Variants in DIP2C observed in about 807,000 individuals in gnomAD.
DIP2C encodes DIP2 acetate--CoA ligase C (putative), also known as disco-interacting protein 2 homolog C.
In DIP2C, 33 loss-of-function variants were observed where a neutral mutation model predicts 192.4. That is an observed-to-expected ratio of 0.17 (90% CI 0.13 to 0.23). The LOEUF (loss-of-function observed/expected upper bound fraction) is 0.23, where lower values mean the gene tolerates loss of function less well. DIP2C is among the 10% of genes least tolerant of loss of function. The pLI is 1.00. For missense variants in DIP2C, 1,537 were observed against 2,110.1 expected (o/e 0.73, Z 5.32); for synonymous variants, 979 against 864.1 (o/e 1.13, Z -2.33).
At chr10:422,755 A>T in intron 5 of DIP2C, 69 bp downstream of exon 5, 1 of 1,525,454 alleles carries the variant, frequency 6.6e-7, no homozygotes, top group South Asian at 1.2e-5. Flanking sequence ...CAACGATGCA[A>T]ACAGAGAATG....
At position 388,937 on chromosome 10, in the gene DIP2C, G is replaced by T. The variant is rs188614054; in HGVS notation, c.1597+1054C>A. Reference sequence around the variant, plus strand: ...CAAGGGGCCTTGGGGCATCCTAAGGGATCTCAGGGACATGGGGGGGTTCTC... The same window carrying T: ...CAAGGGGCCTTGGGGCATCCTAAGGTATCTCAGGGACATGGGGGGGTTCTC... On this transcript the variant is annotated intron_variant, in intron 13 of 36. Transcript: ENST00000280886. Among the ~76,000 whole-genome samples, 202 of 124,958 alleles carry T rather than the reference G, an allele frequency of 1.6e-3. 1 individual carries two copies. The highest frequency in any genetic ancestry group is 5.5e-3 in the African/African-American group (187 of 33,880). The allele number at this position is 124,958 out of a possible 152,430, so 82.0% of individuals were successfully genotyped here. A position where few individuals can be genotyped will look rare whatever the true frequency, so the allele number is the denominator to read the frequency against.
At chr10:286,666 C>CA (rs1955153420) in intron 33 of DIP2C, among the ~76,000 whole-genome samples, 2 of 152,068 alleles carry the variant, frequency 1.3e-5, no homozygotes, top group South Asian at 4.2e-4. Context: ...AATGTTTGAA[C>CA]AAAAACATGG....
At chr10:467,370 G>A (rs568371576) in intron 3 of DIP2C, among the ~76,000 whole-genome samples, 2 of 140,524 alleles carry the variant, frequency 1.4e-5, no homozygotes, top group Admixed American at 7.1e-5. Context: ...ATCACACTCT[G>A]GGGACTGTGG....
chr10:579,063 A>G (rs12256254), intron 1 of DIP2C, among the ~76,000 whole-genome samples: 7,567 of 152,210 alleles, frequency 0.05, 243 homozygotes, highest in East Asian at 0.082. Context: ...AGTGCACAAC[A>G]TGTGTATGTG....
chr10:601,532 A>C (rs1588567371), intron 1 of DIP2C, among the ~76,000 whole-genome samples: 1 of 152,174 alleles, frequency 6.6e-6, no homozygotes, highest in Non-Finnish European at 1.5e-5. Flanking sequence ...GCATTCCCAG[A>C]CTCCAGGGCA....
chr10:506,354 T>C (rs1015749883), intron 1 of DIP2C, among the ~76,000 whole-genome samples: 1 of 151,838 alleles, frequency 6.6e-6, no homozygotes, highest in African/African-American at 2.4e-5. Context: ...ATGTCAGGGG[T>C]TGGGACAGCA....
At chr10:656,834 G>A (rs1275872170) in intron 1 of DIP2C, among the ~76,000 whole-genome samples, 1 of 152,206 alleles carries the variant, frequency 6.6e-6, no homozygotes, top group Admixed American at 6.5e-5. Context: ...GCACAGCTGA[G>A]GGTCGATCCC....
At chr10:611,130 A>G (rs1853072612) in intron 1 of DIP2C, among the ~76,000 whole-genome samples, 1 of 152,128 alleles carries the variant, frequency 6.6e-6, no homozygotes, top group Non-Finnish European at 1.5e-5. Flanking sequence ...GTTTAGCACA[A>G]TCCCAAGTGC....
At position 287,279 on chromosome 10, in the gene DIP2C, A is replaced by G. The variant is rs140227978; in HGVS notation, c.4045-932T>C. On this transcript the variant is annotated intron_variant, in intron 33 of 36. Transcript: ENST00000280886. ...TTCCTTCTTAAAGTTTACCTTAGAA[A>G]TATCTCACATTCCACTGATACCACT... Among the ~76,000 whole-genome samples the G allele has an allele frequency of 3.8e-3, 580 of 152,288 alleles. 5 individuals are homozygous for G. Among genetic ancestry groups the G allele is most frequent in the African/African-American group, 0.012 (513 of 41,556 alleles).
intron 9 of DIP2C, among the ~76,000 whole-genome samples, chr10:400,017 C>A (rs985926659): frequency 2.6e-5 from 4 of 152,080 alleles, no homozygotes; most frequent in Non-Finnish European, 5.9e-5. Context: ...TGTAAATTAC[C>A]AAGTAATATT....
chr10:547,749 ATC>A (rs1448774898), intron 1 of DIP2C, among the ~76,000 whole-genome samples: 5 of 152,068 alleles, frequency 3.3e-5, no homozygotes, highest in African/African-American at 1.2e-4. Flanking sequence ...TCCTCAAATC[ATC>A]TCTCAGTTTA....
intron 1 of DIP2C, among the ~76,000 whole-genome samples, chr10:584,276 A>G (rs1850850667): frequency 6.6e-6 from 1 of 152,240 alleles, no homozygotes; most frequent in Non-Finnish European, 1.5e-5. Flanking sequence ...AACAACCACC[A>G]GCCATCATGT....
intron 1 of DIP2C, chr10:662,195 AAG>A: frequency 2.9e-6 from 2 of 701,540 alleles, no homozygotes. Context: ...TCTATACACA[AAG>A]AGTACAGGCC....
intron 1 of DIP2C, among the ~76,000 whole-genome samples, chr10:541,651 C>G (rs1036606928): frequency 2.0e-5 from 3 of 150,850 alleles, no homozygotes; most frequent in African/African-American, 7.3e-5. Context: ...GACCCTCCAC[C>G]CGACCACACC....
intron 17 of DIP2C, among the ~76,000 whole-genome samples, chr10:379,188 C>G (rs1241917472): frequency 7.9e-5 from 1 of 12,666 alleles, no homozygotes; most frequent in South Asian, 4.3e-3. Flanking sequence ...AGTGCCACGC[C>G]CCCCCCCCCC....
At chr10:437,397 G>T (rs1967352273) in intron 4 of DIP2C, among the ~76,000 whole-genome samples, 1 of 150,218 alleles carries the variant, frequency 6.7e-6, no homozygotes, top group African/African-American at 2.5e-5. Flanking sequence ...ATGTGGTAGG[G>T]TGATATGCTC....
At chr10:594,314 A>G (rs187507461) in intron 1 of DIP2C, among the ~76,000 whole-genome samples, 4 of 152,282 alleles carry the variant, frequency 2.6e-5, no homozygotes, top group South Asian at 4.1e-4. Context: ...ACCCCACATG[A>G]AACTCCCCAC....
chr10:382,809 G>A (rs774598312), intron 16 of DIP2C, 48 bp from the exon 17 acceptor site: 36 of 1,357,848 alleles, frequency 2.7e-5, no homozygotes, highest in Non-Finnish European at 3.5e-5. Context: ...CACTGTGATT[G>A]ATTACAAAAT....
At chr10:335,790 C>T (rs1283437678) in intron 29 of DIP2C, among the ~76,000 whole-genome samples, 2 of 152,360 alleles carry the variant, frequency 1.3e-5, no homozygotes, top group African/African-American at 4.8e-5. Context: ...TTAACTATTT[C>T]GTGGATGGCT....
Sources: allele counts gnomAD v4.1 joint callset (sites outside exome capture counted in the v4.1 genomes callset), GRCh38; gene constraint gnomAD v4.1.1; transcripts MANE v1.5; gene names NCBI Gene and HGNC (gene_info 2026-07-23, HGNC 2026-07-21).